Variants in MYO5B observed in about 807,000 individuals in gnomAD.
MYO5B encodes the protein myosin VB.
MYO5B carries 143 observed loss-of-function variants against 229.3 expected under a neutral mutation model. The observed-to-expected ratio is 0.62, with a 90% CI of 0.54 to 0.72. The LOEUF (loss-of-function observed/expected upper bound fraction) is 0.72, where lower values mean the gene tolerates loss of function less well. Ranked by LOEUF, MYO5B falls within the 30% of genes least tolerant of loss-of-function variation. The pLI is 0.00. For missense variants in MYO5B, 2,321 were observed against 2,331.0 expected (o/e 1.00, Z 0.09); for synonymous variants, 918 against 885.2 (o/e 1.04, Z -0.66).
chr18:49,988,078 T>G (rs1398028613), intron 7 of MYO5B, among the ~76,000 whole-genome samples: 1 of 152,304 alleles, frequency 6.6e-6, no homozygotes, highest in Non-Finnish European at 1.5e-5. Context: ...ATCTGCACCC[T>G]CCATTCTCAG....
chr18:50,018,555 C>T (rs1178511396), intron 4 of MYO5B, among the ~76,000 whole-genome samples: 1 of 152,192 alleles, frequency 6.6e-6, no homozygotes, highest in African/African-American at 2.4e-5. Context: ...ATAGCATCTT[C>T]CGGGTAGGCA....
At chr18:49,899,684 G>A (rs1438752087) in intron 21 of MYO5B, among the ~76,000 whole-genome samples, 1 of 152,150 alleles carries the variant, frequency 6.6e-6, no homozygotes, top group East Asian at 1.9e-4. Flanking sequence ...CTTAAAATGG[G>A]AATAATATTA....
At chr18:49,912,657 C>T (rs542084771) in intron 17 of MYO5B, among the ~76,000 whole-genome samples, 12 of 152,248 alleles carry the variant, frequency 7.9e-5, no homozygotes, top group South Asian at 6.2e-4. Context: ...TCTTGCCTGC[C>T]GCCATGTAAG....
intron 24 of MYO5B, 101 bp from the exon 25 acceptor site, chr18:49,877,983 G>C: frequency 7.0e-7 from 1 of 1,430,596 alleles, no homozygotes; most frequent in East Asian, 2.3e-5. Context: ...TGCCTAATTT[G>C]TCAACAAGAA....
chr18:50,067,074 T>A (rs939729879), intron 1 of MYO5B, among the ~76,000 whole-genome samples: 1 of 152,180 alleles, frequency 6.6e-6, no homozygotes, highest in Non-Finnish European at 1.5e-5. Flanking sequence ...AGAAAAGACT[T>A]AGTAGAGTTT....
At position 49,853,439 on chromosome 18, in the gene MYO5B, G is replaced by A. The variant is rs2024224987; in HGVS notation, c.4221+10C>T. ...CCCAAAGCTGGGGTCCACTAGACAT[G>A]GCTACCCACCAGATTCTCGTTGGTC... On this transcript the variant is annotated intron_variant, in intron 31 of 39. Coordinates refer to ENST00000285039, the MANE Select transcript of MYO5B (RefSeq NM_001080467.3). 2.5e-6 allele frequency: 4 copies of A among 1,613,860 alleles called. No individual in the cohort carries two copies. Among genetic ancestry groups the A allele is most frequent in the Admixed American group, 1.7e-5 (1 of 59,990 alleles).
chr18:50,050,643 T>G (rs950608583), intron 2 of MYO5B, among the ~76,000 whole-genome samples: 1 of 152,226 alleles, frequency 6.6e-6, no homozygotes, highest in Non-Finnish European at 1.5e-5. Context: ...AACGCCGCTC[T>G]GGTGACTAAC....
chr18:49,865,392 G>A (rs191584332), intron 27 of MYO5B, among the ~76,000 whole-genome samples: 450 of 152,290 alleles, frequency 3.0e-3, no homozygotes, highest in Non-Finnish European at 4.8e-3. Flanking sequence ...TAACTCTGCA[G>A]ACATGATGAG....
chr18:50,034,311 G>T (rs2026424441), intron 4 of MYO5B, among the ~76,000 whole-genome samples: 1 of 152,186 alleles, frequency 6.6e-6, no homozygotes, highest in Admixed American at 6.5e-5. Flanking sequence ...ACCCATACAG[G>T]AAATACAGCA....
chr18:50,032,074 G>A (rs1449119683), intron 4 of MYO5B, among the ~76,000 whole-genome samples: 2 of 152,138 alleles, frequency 1.3e-5, no homozygotes, highest in East Asian at 1.9e-4. Flanking sequence ...GGCCTCCACA[G>A]TCTTGCTTCA....
intron 14 of MYO5B, among the ~76,000 whole-genome samples, chr18:49,947,338 C>T (rs1366050944): frequency 1.3e-5 from 2 of 152,046 alleles, no homozygotes; most frequent in African/African-American, 2.4e-5. Context: ...ATCTCCTGAC[C>T]TTGTGATCCG....
chr18:49,876,637 G>C (rs2024527085), intron 25 of MYO5B, among the ~76,000 whole-genome samples: 1 of 152,196 alleles, frequency 6.6e-6, no homozygotes, highest in African/African-American at 2.4e-5. Context: ...TCTACATGTA[G>C]ATAGTCACAC....
intron 39 of MYO5B, among the ~76,000 whole-genome samples, chr18:49,833,869 C>T (rs1258272903): frequency 6.6e-6 from 1 of 152,182 alleles, no homozygotes; most frequent in Admixed American, 6.5e-5. Flanking sequence ...CACCCACAAC[C>T]CCATTGTTGT....
chr18:49,877,503 A>G (rs2024539787), intron 25 of MYO5B, among the ~76,000 whole-genome samples: 1 of 152,006 alleles, frequency 6.6e-6, no homozygotes, highest in African/African-American at 2.4e-5. Flanking sequence ...TTCAAGAGGA[A>G]TCAGAGATCC....
intron 1 of MYO5B, among the ~76,000 whole-genome samples, chr18:50,185,781 A>G (rs79965724): frequency 0.02 from 3,038 of 152,320 alleles, 99 homozygotes; most frequent in African/African-American, 0.069. Flanking sequence ...TAAAAAATGT[A>G]TATTTTTAAG....
At chr18:50,110,229 C>T (rs1599028046) in intron 1 of MYO5B, among the ~76,000 whole-genome samples, 1 of 110,508 alleles carries the variant, frequency 9.0e-6, no homozygotes, top group Non-Finnish European at 1.7e-5. Context: ...ACCATCACCT[C>T]CCTCACCCCA....
At chr18:50,040,465 C>T (rs2029980164) in intron 2 of MYO5B, 151 bp from the exon 3 acceptor site, 2 of 878,084 alleles carry the variant, frequency 2.3e-6, no homozygotes, top group African/African-American at 1.7e-5. Flanking sequence ...GAACAAAATA[C>T]CTGTGTTGCC....
chr18:49,940,190 A>G (rs1312326424), intron 14 of MYO5B, among the ~76,000 whole-genome samples: 2 of 152,220 alleles, frequency 1.3e-5, no homozygotes, highest in Admixed American at 6.5e-5. Context: ...GAATTCAAAA[A>G]GTCCTAGAAG....
chr18:49,827,399 C>T (rs949772510), intron 39 of MYO5B, among the ~76,000 whole-genome samples: 6 of 152,290 alleles, frequency 3.9e-5, no homozygotes, highest in South Asian at 2.1e-4. Context: ...CCAGCAGATG[C>T]CTGTCTTGGT....
Sources: allele counts gnomAD v4.1 joint callset (sites outside exome capture counted in the v4.1 genomes callset), GRCh38; gene constraint gnomAD v4.1.1; transcripts MANE v1.5; gene names NCBI Gene and HGNC (gene_info 2026-07-23, HGNC 2026-07-21).